The following NAPG variants were observed in gnomAD, a reference collection of about 807,000 sequenced individuals.
NAPG encodes the protein gamma-soluble NSF attachment protein.
A neutral mutation model predicts 48.4 loss-of-function variants in NAPG; 25 were observed. The observed-to-expected ratio is 0.52, with a 90% CI of 0.38 to 0.72. NAPG has a LOEUF of 0.72. NAPG is among the 30% of genes least tolerant of loss of function. The probability of loss-of-function intolerance (pLI) is 0.00; values close to 1 mark genes in which losing one functional copy is unlikely to be tolerated. For synonymous variants in NAPG, 139 were observed against 127.2 expected, an observed-to-expected ratio of 1.09 and a Z score of -0.62; for missense variants, 359 against 372.5, an observed-to-expected ratio of 0.96 and a Z score of 0.30.
Position 10,534,471 on chromosome 18 carries a change from A to G in NAPG, c.233A>G (p.Tyr78Cys), listed in dbSNP as rs556231385. ...AAATTATATTCTCTTTGCAGAGCTT[A>G]TGAGCAAGCTGGAATGATGTTGAAG... ...NRALFHAAKA[Y>C]EQAGMMLKEM... Residue 78 changes from tyrosine (Y) to cysteine (C), a missense_variant, in exon 5 of 12, where the codon TAT (tyrosine) becomes TGT (cysteine). Tyr to Cys is a radical substitution (Grantham distance 194). Transcript: ENST00000322897. The surrounding 1 kb of genome is among the most constrained non-coding windows in gnomAD (Gnocchi z 5.0). The G allele has an allele frequency of 1.2e-6, 2 of 1,613,356 alleles. No homozygotes were observed. Among genetic ancestry groups the G allele is most frequent in the East Asian group, 2.2e-5 (1 of 44,774 alleles).
At position 10,526,090 on chromosome 18, in the gene NAPG, C is replaced by A. The variant is rs1262277599; in HGVS notation, c.-13C>A. On this transcript the variant is annotated 5_prime_UTR_variant, in exon 1 of 12. Coordinates refer to ENST00000322897, the MANE Select transcript of NAPG (RefSeq NM_003826.3). ...GGTCACCCTCTCTCCACGTCAGAGA[C>A]CTGACTGTGGAGATGGCGGCTCAGA... The A allele has an allele frequency of 6.2e-7, 1 of 1,613,328 alleles. No individual in the cohort carries two copies. Among genetic ancestry groups the A allele is most frequent in the East Asian group, 2.2e-5 (1 of 44,876 alleles).
At position 10,539,336 on chromosome 18, in the gene NAPG, G is replaced by A. The variant is rs1399873839; in HGVS notation, c.259-426G>A. ...TGGAATACTATGCAGCTGTAAAAAA[G>A]AATGAGATCATGTCCTTTGCAGGGA... On this transcript the variant is annotated intron_variant, in intron 5 of 11. Coordinates refer to ENST00000322897, the MANE Select transcript of NAPG (RefSeq NM_003826.3). The surrounding 1 kb of genome is among the most constrained non-coding windows in gnomAD (Gnocchi z 4.7). 1.1e-5 allele frequency: 2 copies of A among 174,978 alleles called. No individual in the cohort carries two copies. Among genetic ancestry groups the A allele is most frequent in the Non-Finnish European group, 2.5e-5 (2 of 81,532 alleles). The allele number at this position is 174,978 out of a possible 1,614,324, so 10.8% of individuals were successfully genotyped here.
In NAPG at chr18:10,546,483, A is replaced by G; in HGVS notation, c.585+79A>G. 1 of 763,594 alleles carries G rather than the reference A, an allele frequency of 1.3e-6. No individual in the cohort carries two copies. The highest frequency in any genetic ancestry group is 2.0e-6 in the Non-Finnish European group (1 of 492,116). 47.3% of individuals were successfully genotyped at this position (763,594 alleles called of 1,614,324 possible). Reference sequence around the variant, plus strand: ...GGTATGAATAAGTACTTAAGAAAGGATTCTATGGGTATTTCTATGTTTTTG... The same window carrying G: ...GGTATGAATAAGTACTTAAGAAAGGGTTCTATGGGTATTTCTATGTTTTTG... On this transcript the variant is annotated intron_variant, in intron 9 of 11. Coordinates refer to ENST00000322897, the MANE Select transcript of NAPG (RefSeq NM_003826.3). This position sits in a 1 kb window ranked among gnomAD's most constrained non-coding sequence, Gnocchi z 4.0.
intron 9 of NAPG, among the ~76,000 whole-genome samples, chr18:10,547,320 A>C (rs1475885730): frequency 1.3e-5 from 2 of 152,204 alleles, no homozygotes; most frequent in African/African-American, 4.8e-5. Flanking sequence ...CCTGAAAATT[A>C]AGCAGAGGCT....
rs1391168318 is a variant in NAPG at position 10,542,756 on chromosome 18, A to G, written c.506+2357A>G. Among the ~76,000 whole-genome samples, 1 of 152,238 alleles carries G rather than the reference A, an allele frequency of 6.6e-6. No homozygotes were observed. The highest frequency in any genetic ancestry group is 2.1e-4 in the South Asian group (1 of 4,834). On this transcript the variant is annotated intron_variant, in intron 8 of 11. Coordinates refer to ENST00000322897, the MANE Select transcript of NAPG (RefSeq NM_003826.3). This position sits in a 1 kb window ranked among gnomAD's most constrained non-coding sequence, Gnocchi z 4.5. ...ACTTTCTATGTTAGTGTAGCAAAGA[A>G]TCTATTTAATATATTAATCTCTTGC... is the stretch of plus-strand genomic sequence containing the variant.
chr18:10,535,543 C>A (rs988615266), intron 5 of NAPG, among the ~76,000 whole-genome samples: 6 of 152,052 alleles, frequency 3.9e-5, no homozygotes, highest in African/African-American at 7.2e-5. Flanking sequence ...GGTGGATTAC[C>A]TGAGATCAGG....
rs570029452 is a variant in NAPG, at chr18:10,535,207, G to A, written c.258+711G>A. Among the ~76,000 whole-genome samples, 8 of 152,194 alleles carry A rather than the reference G, an allele frequency of 5.3e-5. No homozygotes were observed. The South Asian group carries it at 6.2e-4, about 12-fold the overall frequency. On this transcript the variant is annotated intron_variant, in intron 5 of 11. Coordinates refer to ENST00000322897, the MANE Select transcript of NAPG (RefSeq NM_003826.3). The stretch of plus-strand genomic sequence containing the variant: ...TTTTAAGAACTTTTACCTTAGTAAA[G>A]CTTTTGTTTTTAATTTCTATGACTT...
At chr18:10,532,959 A>C in intron 3 of NAPG, 164 bp downstream of exon 3, 1 of 614,650 alleles carries the variant, frequency 1.6e-6, no homozygotes, top group East Asian at 2.9e-5. Context: ...AGCGTTTATA[A>C]TGAAGTTTGA....
chr18:10,531,797 C>T lies in NAPG; in HGVS notation c.125-914C>T, dbSNP rs114938217. On this transcript the variant is annotated intron_variant, in intron 2 of 11. Coordinates refer to ENST00000322897, the MANE Select transcript of NAPG (RefSeq NM_003826.3). ...TTTAACACAGATTTGTTTTCTGCCCCTCTGAGATCATGAATTACATTCAAA... is the reference window on the plus strand; with the variant it reads ...TTTAACACAGATTTGTTTTCTGCCCTTCTGAGATCATGAATTACATTCAAA... 8.6e-3 allele frequency among the ~76,000 whole-genome samples: 1,308 copies of T among 152,260 alleles called. 16 individuals carry two copies. Among genetic ancestry groups the T allele is most frequent in the African/African-American group, 0.03 (1,234 of 41,538 alleles).
chr18:10,548,872 CCAGA>C lies in NAPG; in HGVS notation c.666-91_666-88del. The C allele has an allele frequency of 1.4e-6, 2 of 1,461,282 alleles. No individual in the cohort carries two copies. Among genetic ancestry groups the C allele is most frequent in the Middle Eastern group, 1.8e-4 (1 of 5,588 alleles). 90.5% of individuals were successfully genotyped at this position (1,461,282 alleles called of 1,614,324 possible). On this transcript the variant is annotated intron_variant, in intron 10 of 11. Coordinates refer to ENST00000322897, the MANE Select transcript of NAPG (RefSeq NM_003826.3). This position sits in a 1 kb window ranked among gnomAD's most constrained non-coding sequence, Gnocchi z 4.4. ...CACACTTTTAAGTACCAAAATGTCT[CCAGA>C]CAGTGTCACATGCCAGGGGCAGAAT...
chr18:10,538,095 A>G (rs1162089283), intron 5 of NAPG, among the ~76,000 whole-genome samples: 2 of 151,846 alleles, frequency 1.3e-5, no homozygotes, highest in Admixed American at 6.6e-5. Flanking sequence ...TTTTAAGTTT[A>G]TTTTTAAAAT....
Position 10,534,367 on chromosome 18 carries a change from A to T in NAPG, c.228-99A>T. The T allele has an allele frequency of 6.6e-6, 6 of 903,630 alleles. No individual in the cohort carries two copies. Among genetic ancestry groups the T allele is most frequent in the Admixed American group, 1.9e-5 (1 of 53,256 alleles). The allele number at this position is 903,630 out of a possible 1,614,324, so 56.0% of individuals were successfully genotyped here. A position where few individuals can be genotyped will look rare whatever the true frequency, so the allele number is the denominator to read the frequency against. ...ATATGTTGTGCATGAGCCCATTGTAATTGAAGTCACTTTCCTTACCAGTAG... is the reference window on the plus strand; with the variant it reads ...ATATGTTGTGCATGAGCCCATTGTATTTGAAGTCACTTTCCTTACCAGTAG... On this transcript the variant is annotated intron_variant, in intron 4 of 11. Coordinates refer to ENST00000322897, the MANE Select transcript of NAPG (RefSeq NM_003826.3). This position sits in a 1 kb window ranked among gnomAD's most constrained non-coding sequence, Gnocchi z 5.0.
At position 10,530,188 on chromosome 18, in the gene NAPG, CTTTTTTTTTTTTT is replaced by C. The variant is rs58597079; in HGVS notation, c.57-565_57-553del. Among the ~76,000 whole-genome samples, 7 of 67,334 alleles carry C rather than the reference CTTTTTTTTTTTTT, an allele frequency of 1.0e-4. No individual in the cohort carries two copies. In the East Asian group the frequency reaches 1.9e-3, roughly 19 times the overall value. The allele number at this position is 67,334 out of a possible 152,430, so 44.2% of individuals were successfully genotyped here. On this transcript the variant is annotated intron_variant, in intron 1 of 11. Coordinates refer to ENST00000322897, the MANE Select transcript of NAPG (RefSeq NM_003826.3). Reference sequence around the variant, plus strand: ...CTTGTTTATGGGTGGCGAGTTTTCACTTTTTTTTTTTTTTTTTTTTTTTTTTTTTGCCTACTTC... The same window carrying C: ...CTTGTTTATGGGTGGCGAGTTTTCACTTTTTTTTTTTTTTTTGCCTACTTC...
chr18:10,542,726 TTAATACTTTCTA>T lies in NAPG; in HGVS notation c.506+2329_506+2340del, dbSNP rs1479563006. Among the ~76,000 whole-genome samples, 3 of 152,234 alleles carry T rather than the reference TTAATACTTTCTA, an allele frequency of 2.0e-5. No individual in the cohort carries two copies. Among genetic ancestry groups the T allele is most frequent in the Admixed American group, 1.3e-4 (2 of 15,284 alleles). On this transcript the variant is annotated intron_variant, in intron 8 of 11. Coordinates refer to ENST00000322897, the MANE Select transcript of NAPG (RefSeq NM_003826.3). This position sits in a 1 kb window ranked among gnomAD's most constrained non-coding sequence, Gnocchi z 4.5. ...ACATGAGTCCATAAGATGTCCTAAT[TTAATACTTTCTA>T]TGTTAGTGTAGCAAAGAATCTATTT...
chr18:10,537,059 C>T lies in NAPG; in HGVS notation c.258+2563C>T, dbSNP rs747623253. Among the ~76,000 whole-genome samples, 11 of 151,648 alleles carry T rather than the reference C, an allele frequency of 7.3e-5. 1 individual carries two copies. In the South Asian group the frequency reaches 8.3e-4, roughly 11 times the overall value. ...GCAGCCTCAACCTCCTGGGCTCAGG[C>T]GATCCTCCCACCTCAGCCTCCTGAG... On this transcript the variant is annotated intron_variant, in intron 5 of 11. Transcript: ENST00000322897.
In NAPG at chr18:10,543,931, C is replaced by G. The variant is rs1008461996; in HGVS notation, c.507-2395C>G. Among the ~76,000 whole-genome samples the G allele has an allele frequency of 6.6e-6, 1 of 152,016 alleles. No homozygotes were observed. Among genetic ancestry groups the G allele is most frequent in the African/African-American group, 2.4e-5 (1 of 41,378 alleles). On this transcript the variant is annotated intron_variant, in intron 8 of 11. Transcript: ENST00000322897. The surrounding 1 kb of genome is among the most constrained non-coding windows in gnomAD (Gnocchi z 4.4). ...TACAAACTCATGTAAGGGCTTGGCT[C>G]TTTTGTTAGGTAACTATATATTAGC... is the stretch of plus-strand genomic sequence containing the variant.
chr18:10,532,952 G>A (rs1466734992), intron 3 of NAPG, 157 bp downstream of exon 3: 18 of 634,922 alleles, frequency 2.8e-5, no homozygotes, highest in African/African-American at 1.3e-4. Context: ...ATGAAGGAGC[G>A]TTTATAATGA....
rs545626908 is a variant in NAPG, at chr18:10,550,367, C to G, written c.*147C>G. Reference sequence around the variant, plus strand: ...AAGACTAGTTTTTAGTTACCATCTTCCCAAATCACTCATTGTATCCATTAC... The same window carrying G: ...AAGACTAGTTTTTAGTTACCATCTTGCCAAATCACTCATTGTATCCATTAC... On this transcript the variant is annotated 3_prime_UTR_variant, in exon 12 of 12. Transcript: ENST00000322897. 67 of 773,622 alleles carry G rather than the reference C, an allele frequency of 8.7e-5. No homozygotes were observed. Among genetic ancestry groups the G allele is most frequent in the African/African-American group, 6.9e-4 (37 of 53,676 alleles). The allele number at this position is 773,622 out of a possible 1,614,324, so 47.9% of individuals were successfully genotyped here. A position where few individuals can be genotyped will look rare whatever the true frequency, so the allele number is the denominator to read the frequency against.
Position 10,550,291 on chromosome 18 carries a change from T to C in NAPG, c.*71T>C. The C allele has an allele frequency of 1.4e-6, 2 of 1,478,938 alleles. No homozygotes were observed. The highest frequency in any genetic ancestry group is 1.8e-6 in the Non-Finnish European group (2 of 1,106,240). The allele number at this position is 1,478,938 out of a possible 1,614,324, so 91.6% of individuals were successfully genotyped here. On this transcript the variant is annotated 3_prime_UTR_variant, in exon 12 of 12. Transcript: ENST00000322897. ...ACATGCCATTTCAAGGACTTGGGAA[T>C]AGATTAGGGATATCCGTACTTCATT... is the stretch of plus-strand genomic sequence containing the variant.
Sources: gnomAD v4.1 joint callset for allele counts (sites outside exome capture counted in the v4.1 genomes callset) on GRCh38, gnomAD v4.1.1 for gene constraint, Gnocchi (gnomAD v3.1) non-coding constraint, MANE v1.5 for transcripts, NCBI Gene and HGNC (gene_info 2026-07-23, HGNC 2026-07-21) for gene names.